LMX1A: variants seen among roughly 807,000 people sequenced by gnomAD.
LMX1A encodes LIM homeobox transcription factor 1-alpha.
A neutral mutation model predicts 49.1 loss-of-function variants in LMX1A; 15 were observed. That is an observed-to-expected ratio of 0.31 (90% CI 0.20 to 0.47). The LOEUF (loss-of-function observed/expected upper bound fraction) is 0.47. Ranked by LOEUF, LMX1A falls within the 20% of genes least tolerant of loss-of-function variation. The probability of loss-of-function intolerance (pLI) is 1.00; values close to 1 mark genes in which losing one functional copy is unlikely to be tolerated. For missense variants in LMX1A, 372 were observed against 475.8 expected (o/e 0.78, Z 2.03); for synonymous variants, 167 against 185.7 (o/e 0.90, Z 0.82).
intron 7 of LMX1A, among the ~76,000 whole-genome samples, chr1:165,206,946 C>T (rs1235785982): frequency 6.6e-6 from 1 of 152,034 alleles, no homozygotes; most frequent in Non-Finnish European, 1.5e-5. Context: ...AAGCCTAGAC[C>T]CAGTGTCAAG....
At chr1:165,331,648 G>A (rs1655746439) in intron 3 of LMX1A, among the ~76,000 whole-genome samples, 1 of 152,214 alleles carries the variant, frequency 6.6e-6, no homozygotes, top group Non-Finnish European at 1.5e-5. Context: ...CGGGCACGGT[G>A]GCTCACACCT....
At chr1:165,225,427 C>T (rs78376385) in intron 4 of LMX1A, among the ~76,000 whole-genome samples, 15,044 of 152,242 alleles carry the variant, frequency 0.099, 1,000 homozygotes, top group Non-Finnish European at 0.15. Flanking sequence ...AATTGAGTGT[C>T]TCAAGATGAT....
chr1:165,296,594 G>A (rs941162819), intron 3 of LMX1A, among the ~76,000 whole-genome samples: 3 of 152,194 alleles, frequency 2.0e-5, no homozygotes, highest in African/African-American at 7.2e-5. Context: ...TGCTCCCTCA[G>A]ACACTCTCTT....
At chr1:165,329,773 A>C (rs994631251) in intron 3 of LMX1A, among the ~76,000 whole-genome samples, 1 of 152,226 alleles carries the variant, frequency 6.6e-6, no homozygotes, top group Non-Finnish European at 1.5e-5. Context: ...CTCTCAAAAA[A>C]TCAAAAACTG....
intron 6 of LMX1A, among the ~76,000 whole-genome samples, chr1:165,208,500 T>C (rs1651194805): frequency 6.6e-6 from 1 of 152,214 alleles, no homozygotes; most frequent in Non-Finnish European, 1.5e-5. Context: ...AACAAGAGGT[T>C]GTGATTTGGG....
chr1:165,314,810 C>A (rs896272972), intron 3 of LMX1A, among the ~76,000 whole-genome samples: 3 of 152,126 alleles, frequency 2.0e-5, no homozygotes, highest in Admixed American at 2.0e-4. Context: ...TCATACTAAG[C>A]ACCCAATAAT....
At chr1:165,329,190 A>G (rs1441156077) in intron 3 of LMX1A, among the ~76,000 whole-genome samples, 1 of 152,218 alleles carries the variant, frequency 6.6e-6, no homozygotes, top group East Asian at 1.9e-4. Flanking sequence ...AGGAACTGTC[A>G]AACACTTATA....
intron 8 of LMX1A, 71 bp from the exon 9 acceptor site, chr1:165,204,111 CT>C: frequency 6.6e-7 from 1 of 1,516,600 alleles, no homozygotes; most frequent in Non-Finnish European, 9.0e-7. Flanking sequence ...GGATATTCAG[CT>C]GAATTCAACA....
chr1:165,354,929 C>T (rs1656554850), intron 2 of LMX1A, among the ~76,000 whole-genome samples: 1 of 152,060 alleles, frequency 6.6e-6, no homozygotes, highest in South Asian at 2.1e-4. Context: ...ACCCACAGGA[C>T]CCGACATCCA....
chr1:165,347,321 T>C (rs1354824981), intron 3 of LMX1A, among the ~76,000 whole-genome samples: 3 of 152,240 alleles, frequency 2.0e-5, no homozygotes, highest in Non-Finnish European at 2.9e-5. Context: ...ACTGTCCTAA[T>C]GTTCCTAAGA....
chr1:165,295,391 AATAG>A (rs963919975), intron 3 of LMX1A, among the ~76,000 whole-genome samples: 11 of 150,048 alleles, frequency 7.3e-5, no homozygotes, highest in African/African-American at 2.7e-4. Flanking sequence ...TGCCGTAATA[AATAG>A]GTAGCCCTAT....
intron 4 of LMX1A, among the ~76,000 whole-genome samples, chr1:165,244,603 G>T (rs1335030577): frequency 2.6e-5 from 4 of 152,132 alleles, no homozygotes; most frequent in African/African-American, 9.7e-5. Context: ...ATGTGGAGTG[G>T]AGAGCAGAGA....
intron 3 of LMX1A, among the ~76,000 whole-genome samples, chr1:165,311,376 C>T (rs373326972): frequency 2.6e-4 from 40 of 152,318 alleles, no homozygotes; most frequent in African/African-American, 9.4e-4. Flanking sequence ...GAAGCCTCCT[C>T]TCAACTGGAT....
chr1:165,247,066 T>C (rs1050734051), intron 4 of LMX1A, among the ~76,000 whole-genome samples: 1 of 132,038 alleles, frequency 7.6e-6, no homozygotes, highest in Non-Finnish European at 1.6e-5. Context: ...TTTTTTTTTT[T>C]TTTTTTTTTT....
rs886722314 is a variant in LMX1A at position 165,264,277 on chromosome 1, C to T, written c.264-14637G>A. Among the ~76,000 whole-genome samples, 5 of 152,200 alleles carry T rather than the reference C, an allele frequency of 3.3e-5. No homozygotes were observed. In the East Asian group the frequency reaches 9.7e-4, roughly 29 times the overall value. ...CTTTCATATGGCTCTGCTCCCCATA[C>T]CCAGCTCCATTCAGAGGATTAAAGA... On this transcript the variant is annotated intron_variant, in intron 3 of 8. Transcript: ENST00000342310.
chr1:165,298,235 T>C (rs771145089), intron 3 of LMX1A, among the ~76,000 whole-genome samples: 8 of 152,190 alleles, frequency 5.3e-5, no homozygotes, highest in African/African-American at 9.7e-5. Flanking sequence ...TTTATGCAGC[T>C]ATTTGCGGAG....
intron 3 of LMX1A, among the ~76,000 whole-genome samples, chr1:165,252,920 A>C (rs1415811151): frequency 6.6e-6 from 1 of 152,258 alleles, no homozygotes; most frequent in Non-Finnish European, 1.5e-5. Context: ...AATCTCATTC[A>C]TGCACTCATA....
At chr1:165,282,728 T>C (rs1242710650) in intron 3 of LMX1A, among the ~76,000 whole-genome samples, 1 of 152,188 alleles carries the variant, frequency 6.6e-6, no homozygotes, top group African/African-American at 2.4e-5. Context: ...GGTTCCTCTC[T>C]GTCCTTCACC....
chr1:165,348,986 T>C (rs1656334035), intron 3 of LMX1A, among the ~76,000 whole-genome samples: 1 of 152,206 alleles, frequency 6.6e-6, no homozygotes, highest in African/African-American at 2.4e-5. Flanking sequence ...GGCCTGTGAT[T>C]TGCTGACATG....
Sources: allele counts gnomAD v4.1 joint callset (sites outside exome capture counted in the v4.1 genomes callset), GRCh38; gene constraint gnomAD v4.1.1; transcripts MANE v1.5; gene names NCBI Gene and HGNC (gene_info 2026-07-23, HGNC 2026-07-21).